PBRM1: variants seen among roughly 807,000 people sequenced by gnomAD.
PBRM1 encodes polybromo 1.
Under a neutral mutation model 194.5 loss-of-function variants are expected in PBRM1, and 27 were observed. The observed-to-expected ratio is 0.14, with a 90% confidence interval of 0.10 to 0.19. PBRM1 has a LOEUF of 0.19. Among genes scored for constraint, PBRM1 ranks in the 10% least tolerant of loss-of-function variants. The pLI is 1.00. For synonymous variants in PBRM1, 655 were observed against 693.2 expected, an observed-to-expected ratio of 0.94 and a Z score of 0.87; for missense variants, 1,466 against 2,077.2, an observed-to-expected ratio of 0.71 and a Z score of 5.72.
intron 2 of PBRM1, among the ~76,000 whole-genome samples, chr3:52,674,412 C>T (rs935829513): frequency 2.8e-5 from 4 of 144,842 alleles, no homozygotes; most frequent in African/African-American, 1.0e-4. Flanking sequence ...ACCTGGGAAA[C>T]GGAGGTTGTG....
intron 26 of PBRM1, among the ~76,000 whole-genome samples, chr3:52,555,810 T>A (rs964493804): frequency 3.3e-5 from 5 of 152,126 alleles, no homozygotes; most frequent in African/African-American, 4.8e-5. Flanking sequence ...TAGAGAAGAG[T>A]TTCAGCAAAC....
Position 52,600,013 on chromosome 3 carries a change from A to G in PBRM1, c.2779+3508T>C, listed in dbSNP as rs1576474180. On this transcript the variant is annotated intron_variant, in intron 17 of 29. Transcript: ENST00000296302. The stretch of plus-strand genomic sequence containing the variant: ...TGTGCATTTCAGTGATATTAATTAC[A>G]ATCACAATTTTTGTTTTTCATTGAT... 3.9e-5 allele frequency among the ~76,000 whole-genome samples: 6 copies of G among 152,262 alleles called. 1 individual carries two copies. The South Asian group carries it at 1.2e-3, about 32-fold the overall frequency.
intron 17 of PBRM1, among the ~76,000 whole-genome samples, chr3:52,594,322 A>G (rs2093372877): frequency 1.3e-5 from 2 of 152,262 alleles, no homozygotes; most frequent in South Asian, 4.1e-4. Context: ...CTTTACCATT[A>G]TGTAGTGCCC....
upstream of PBRM1, among the ~76,000 whole-genome samples, chr3:52,680,397 G>A (rs150696494): frequency 1.3e-5 from 2 of 152,304 alleles, no homozygotes; most frequent in Non-Finnish European, 1.5e-5. Flanking sequence ...TACCTAGACA[G>A]AGGTACAAAC....
In PBRM1 at chr3:52,563,636, A is replaced by C. The variant is rs139671649; in HGVS notation, c.3876-143T>G. 1,935 of 614,888 alleles carry C rather than the reference A, an allele frequency of 3.1e-3. 7 individuals are homozygous for C. The highest frequency in any genetic ancestry group is 4.7e-3 in the Non-Finnish European group (1,625 of 346,862). The allele number at this position is 614,888 out of a possible 1,614,324, so 38.1% of individuals were successfully genotyped here. ...TAAAGGCAGCATGGAAAGAGTTTAA[A>C]TGTGTATTTATGAAATTACTTGTAC... is the stretch of plus-strand genomic sequence containing the variant. On this transcript the variant is annotated intron_variant, in intron 23 of 29. Coordinates refer to ENST00000296302, the Ensembl canonical transcript of PBRM1.
chr3:52,674,729 G>A (rs1450561882), intron 2 of PBRM1, among the ~76,000 whole-genome samples: 5 of 147,836 alleles, frequency 3.4e-5, no homozygotes, highest in Non-Finnish European at 3.0e-5. Flanking sequence ...TAATATGTAT[G>A]TAGCGTTAGG....
At chr3:52,640,078 T>G (rs1255008320) in intron 10 of PBRM1, among the ~76,000 whole-genome samples, 1 of 152,204 alleles carries the variant, frequency 6.6e-6, no homozygotes, top group Non-Finnish European at 1.5e-5. Flanking sequence ...TCTTCTACAA[T>G]TTAACTTGCT....
chr3:52,626,402 G>A (rs1449432430), intron 13 of PBRM1, among the ~76,000 whole-genome samples: 1 of 152,188 alleles, frequency 6.6e-6, no homozygotes, highest in Non-Finnish European at 1.5e-5. Context: ...TCTTCTTAGT[G>A]GATCTCTTAA....
intron 22 of PBRM1, 87 bp from the exon 25 acceptor site, chr3:52,564,320 A>G: frequency 1.1e-6 from 1 of 916,744 alleles, no homozygotes; most frequent in Non-Finnish European, 1.7e-6. Flanking sequence ...TTTTGGATGA[A>G]TACATTCATA....
intron 11 of PBRM1, among the ~76,000 whole-genome samples, chr3:52,630,323 T>G (rs1304105202): frequency 6.6e-6 from 1 of 152,158 alleles, no homozygotes; most frequent in Non-Finnish European, 1.5e-5. Context: ...TTGGGGAAAC[T>G]CAACTATCTT....
rs184490350 is a variant in PBRM1 at position 52,658,490 on chromosome 3, G to C, written c.529-175C>G. Among the ~76,000 whole-genome samples, 611 of 151,760 alleles carry C rather than the reference G, an allele frequency of 4.0e-3. 3 individuals carry two copies. The highest frequency in any genetic ancestry group is 0.023 in the South Asian group (109 of 4,778). On this transcript the variant is annotated intron_variant, in intron 4 of 29. Coordinates refer to ENST00000296302, the Ensembl canonical transcript of PBRM1. ...GCTCACTGCAACCTCCACCTCCTGG[G>C]TTTAAGTAATTCTCCTGCCTCAGCC... is the stretch of plus-strand genomic sequence containing the variant.
At chr3:52,633,154 C>T (rs1277973690) in intron 11 of PBRM1, among the ~76,000 whole-genome samples, 1 of 152,094 alleles carries the variant, frequency 6.6e-6, no homozygotes, top group Non-Finnish European at 1.5e-5. Context: ...CCCTCTTCCC[C>T]TAGTCCCTGG....
chr3:52,665,931 G>T (rs945536332), intron 3 of PBRM1, among the ~76,000 whole-genome samples: 3 of 152,146 alleles, frequency 2.0e-5, no homozygotes. Context: ...GTATTGTTTG[G>T]AGGATTAAGA....
chr3:52,636,708 G>C (rs1347323817), intron 10 of PBRM1, among the ~76,000 whole-genome samples: 2 of 119,428 alleles, frequency 1.7e-5, no homozygotes, highest in Non-Finnish European at 3.2e-5. Context: ...AGTAAGCAGG[G>C]ATTACACCAC....
chr3:52,649,249 G>A (rs2096419624), intron 6 of PBRM1, among the ~76,000 whole-genome samples: 2 of 152,194 alleles, frequency 1.3e-5, no homozygotes, highest in Non-Finnish European at 2.9e-5. Flanking sequence ...CACAGGCATC[G>A]GGAGGGCTCT....
chr3:52,616,294 T>C (rs376299777), intron 14 of PBRM1, among the ~76,000 whole-genome samples: 4 of 152,328 alleles, frequency 2.6e-5, no homozygotes, highest in African/African-American at 9.6e-5. Context: ...GACTTAAAAA[T>C]GTTATTTTAT....
chr3:52,673,188 A>G (rs942002306), intron 2 of PBRM1, among the ~76,000 whole-genome samples: 1 of 150,060 alleles, frequency 6.7e-6, no homozygotes, highest in African/African-American at 2.4e-5. Flanking sequence ...GGGTTTCACT[A>G]TGTTGGCCAG....
chr3:52,571,140 T>C (rs963789695), intron 22 of PBRM1, among the ~76,000 whole-genome samples: 7 of 151,930 alleles, frequency 4.6e-5, no homozygotes, highest in South Asian at 4.1e-4. Flanking sequence ...CTGGTCAACA[T>C]GGTGAAATGC....
At chr3:52,673,431 G>A (rs2096998769) in intron 2 of PBRM1, among the ~76,000 whole-genome samples, 1 of 151,338 alleles carries the variant, frequency 6.6e-6, no homozygotes, top group Admixed American at 6.6e-5. Context: ...CACTTTGGGA[G>A]GCTGAGGCGG....
Sources: allele counts gnomAD v4.1 joint callset (sites outside exome capture counted in the v4.1 genomes callset), GRCh38; gene constraint gnomAD v4.1.1; transcripts MANE v1.5; gene names NCBI Gene and HGNC (gene_info 2026-07-23, HGNC 2026-07-21).